Variants in SLC25A28 observed in about 807,000 individuals in gnomAD.
The protein encoded by SLC25A28 is solute carrier family 25 member 28, also known as mitoferrin-2.
A neutral mutation model predicts 31.9 loss-of-function variants in SLC25A28; 10 were observed. The observed-to-expected ratio is 0.31, with a 90% confidence interval of 0.19 to 0.53. The LOEUF (loss-of-function observed/expected upper bound fraction) is 0.53. Among genes scored for constraint, SLC25A28 ranks in the 20% least tolerant of loss-of-function variants. SLC25A28 has a pLI of 0.95. For missense variants in SLC25A28, 256 were observed against 490.3 expected (o/e 0.52, Z 4.51); for synonymous variants, 208 against 203.6 (o/e 1.02, Z -0.19).
At chr10:99,612,149 T>A (rs968511611) in intron 3 of SLC25A28, among the ~76,000 whole-genome samples, 6 of 151,988 alleles carry the variant, frequency 3.9e-5, no homozygotes, top group African/African-American at 7.3e-5. Context: ...TTCATTCCAA[T>A]AAGAAAGGCA....
intron 1 of SLC25A28, chr10:99,615,557 G>A: frequency 2.0e-6 from 2 of 985,330 alleles, no homozygotes; most frequent in Non-Finnish European, 2.4e-6. Context: ...TTAGTTACTG[G>A]ATGTTCAATC....
the SLC25A28 span, among the ~76,000 whole-genome samples, chr10:99,639,612 T>C: frequency 2.0e-5 from 3 of 151,790 alleles, no homozygotes; most frequent in East Asian, 5.8e-4. Flanking sequence ...TTACTCAACC[T>C]CATTGCTTCA....
chr10:99,611,281 G>C lies in SLC25A28; in HGVS notation c.663C>G (p.Ala221=). 1 of 1,614,066 alleles carries C rather than the reference G, an allele frequency of 6.2e-7. No homozygotes were observed. The highest frequency in any genetic ancestry group is 8.5e-7 in the Non-Finnish European group (1 of 1,180,008). The change falls in exon 4 of 4, where the codon GCC becomes GCG. Residue 221 remains alanine, a synonymous_variant. Transcript: ENST00000370495. This position sits in a 1 kb window ranked among gnomAD's most constrained non-coding sequence, Gnocchi z 5.5. ...CVRAVWQNEG[A]GAFYRSYTTQ... The stretch of plus-strand genomic sequence containing the variant: ...TGGTGTAGCTGCGGTAAAAGGCCCC[G>C]GCCCCTTCATTTTGCCACACTGCCC...
the SLC25A28 span, among the ~76,000 whole-genome samples, chr10:99,645,634 G>A: frequency 2.6e-5 from 4 of 152,190 alleles, no homozygotes; most frequent in Non-Finnish European, 4.4e-5. Flanking sequence ...GAGAAGAGGT[G>A]CTCTGATTTT....
intron 1 of SLC25A28, among the ~76,000 whole-genome samples, chr10:99,619,805 C>CGATCCTGAGTCCCGATTCAGATTTCA (rs1222347077): frequency 6.6e-6 from 1 of 152,226 alleles, no homozygotes; most frequent in Non-Finnish European, 1.5e-5. Context: ...GACAGATTTT[C>CGATCCTGAGTCCCGATTCAGATTTCA]GATCCTGAGT....
At position 99,610,924 on chromosome 10, in the gene SLC25A28, G is replaced by C. The variant is rs2034506648; in HGVS notation, c.1020C>G (p.Ala340=). ...ARVIYQIPST[A]IAWSVYEFFK... Reference sequence around the variant, plus strand: ...AGAACTCATACACAGACCATGCGATGGCTGTGGAGGGGATCTGGTAAATTA... The same window carrying C: ...AGAACTCATACACAGACCATGCGATCGCTGTGGAGGGGATCTGGTAAATTA... Residue 340 remains alanine, a synonymous_variant, in exon 4 of 4, where the codon GCC becomes GCG. Coordinates refer to ENST00000370495, the MANE Select transcript of SLC25A28 (RefSeq NM_031212.4). 4 of 1,614,232 alleles carry C rather than the reference G, an allele frequency of 2.5e-6. No homozygotes were observed. The East Asian group carries it at 8.9e-5, about 36-fold the overall frequency.
intron 3 of SLC25A28, 52 bp downstream of exon 3, chr10:99,612,491 A>C: frequency 6.3e-7 from 1 of 1,591,338 alleles, no homozygotes; most frequent in Non-Finnish European, 8.6e-7. Context: ...TGCAAACTGT[A>C]AAGAAATACA....
At chr10:99,658,328 C>T in the SLC25A28 span, among the ~76,000 whole-genome samples, 188 of 152,262 alleles carry the variant, frequency 1.2e-3, no homozygotes, top group South Asian at 8.7e-3. Flanking sequence ...CCCGATCCCC[C>T]CCATTCATTC....
Position 99,613,524 on chromosome 10 carries a change from T to C in SLC25A28, c.520+172A>G. The C allele has an allele frequency of 6.8e-7, 1 of 1,463,138 alleles. No individual in the cohort carries two copies. Among genetic ancestry groups the C allele is most frequent in the Non-Finnish European group, 9.0e-7 (1 of 1,112,196 alleles). The allele number at this position is 1,463,138 out of a possible 1,614,324, so 90.6% of individuals were successfully genotyped here. A position where few individuals can be genotyped will look rare whatever the true frequency, so the allele number is the denominator to read the frequency against. Reference sequence around the variant, plus strand: ...AGGTGCCCCAAAGGAAAAGGCAGGGTTGAAGCGGCCCGTTGTCTGAGAACA... The same window carrying C: ...AGGTGCCCCAAAGGAAAAGGCAGGGCTGAAGCGGCCCGTTGTCTGAGAACA... On this transcript the variant is annotated intron_variant, in intron 2 of 3. Transcript: ENST00000370495. This position sits in a 1 kb window ranked among gnomAD's most constrained non-coding sequence, Gnocchi z 4.9.
At chr10:99,616,530 C>A in intron 1 of SLC25A28, 1 of 985,130 alleles carries the variant, frequency 1.0e-6, no homozygotes, top group African/African-American at 1.7e-5. Flanking sequence ...CACAAATATA[C>A]ATGGGCAACT....
upstream of SLC25A28, among the ~76,000 whole-genome samples, chr10:99,623,306 CCACCT>C (rs1218688251): frequency 1.3e-5 from 2 of 152,134 alleles, no homozygotes; most frequent in African/African-American, 4.8e-5. Flanking sequence ...GGGTGAATAT[CCACCT>C]TGATTTCTGA....
At chr10:99,645,052 G>A in the SLC25A28 span, among the ~76,000 whole-genome samples, 10 of 152,260 alleles carry the variant, frequency 6.6e-5, no homozygotes, top group Non-Finnish European at 1.2e-4. Context: ...TCTTCTTGAG[G>A]AGTATCTTTG....
the SLC25A28 span, among the ~76,000 whole-genome samples, chr10:99,634,363 G>C: frequency 6.6e-6 from 1 of 152,108 alleles, no homozygotes; most frequent in Non-Finnish European, 1.5e-5. Context: ...AGGCACCAGA[G>C]AAAGGTGAAG....
chr10:99,618,789 C>A, intron 1 of SLC25A28: 1 of 985,396 alleles, frequency 1.0e-6, no homozygotes, highest in Non-Finnish European at 1.2e-6. Context: ...ATTTCCTTAT[C>A]CACATTCTAA....
the SLC25A28 span, among the ~76,000 whole-genome samples, chr10:99,632,948 A>G: frequency 3.2e-3 from 494 of 152,348 alleles, 3 homozygotes; most frequent in African/African-American, 0.011. Flanking sequence ...ATCAAATAAC[A>G]TAAGGGTCTA....
chr10:99,613,649 C>T lies in SLC25A28; in HGVS notation c.520+47G>A. ...TGGAAAGCACTGACAGCAGCAAAGC[C>T]CAAAGAGTTGGGAAAGTGGGGGAAC... is the stretch of plus-strand genomic sequence containing the variant. On this transcript the variant is annotated intron_variant, in intron 2 of 3. Coordinates refer to ENST00000370495, the MANE Select transcript of SLC25A28 (RefSeq NM_031212.4). This position sits in a 1 kb window ranked among gnomAD's most constrained non-coding sequence, Gnocchi z 4.9. The T allele has an allele frequency of 6.2e-7, 1 of 1,613,542 alleles. No homozygotes were observed. The highest frequency in any genetic ancestry group is 8.5e-7 in the Non-Finnish European group (1 of 1,179,834).
chr10:99,612,458 A>C, intron 3 of SLC25A28, 85 bp downstream of exon 3: 1 of 1,503,952 alleles, frequency 6.6e-7, no homozygotes. Flanking sequence ...AGAATTTCCC[A>C]CCAAAACTGA....
the SLC25A28 span, among the ~76,000 whole-genome samples, chr10:99,644,681 A>G: frequency 1.3e-5 from 2 of 152,206 alleles, no homozygotes; most frequent in African/African-American, 4.8e-5. Context: ...ATGTTTTTGC[A>G]GTGGCTGGTA....
At chr10:99,614,070 T>C in intron 1 of SLC25A28, 146 bp from the exon 2 acceptor site, 1 of 1,006,200 alleles carries the variant, frequency 9.9e-7, no homozygotes, top group Non-Finnish European at 1.4e-6. Flanking sequence ...CTATAGCTGA[T>C]CTTTCTTCTA....
Sources: allele counts gnomAD v4.1 joint callset (sites outside exome capture counted in the v4.1 genomes callset), GRCh38; gene constraint gnomAD v4.1.1; non-coding constraint Gnocchi (gnomAD v3.1); transcripts MANE v1.5; gene names NCBI Gene and HGNC (gene_info 2026-07-23, HGNC 2026-07-21).